The following PZP variants were observed in gnomAD, a reference collection of about 807,000 sequenced individuals.
PZP encodes PZP alpha-2-macroglobulin like.
In PZP, 150 loss-of-function variants were observed where a neutral mutation model predicts 179.8. The observed-to-expected ratio is 0.83, with a 90% CI of 0.73 to 0.96. The LOEUF (loss-of-function observed/expected upper bound fraction) is 0.96, where lower values mean the gene tolerates loss of function less well. Ranked by LOEUF, PZP falls within the 40% of genes least tolerant of loss-of-function variation. PZP has a pLI of 0.00. For synonymous variants in PZP, 624 were observed against 652.3 expected (o/e 0.96, Z 0.66); for missense variants, 1,689 against 1,764.0 (o/e 0.96, Z 0.76).
intron 21 of PZP, among the ~76,000 whole-genome samples, chr12:9,163,277 C>A (rs1941343312): frequency 1.6e-5 from 2 of 128,712 alleles, no homozygotes; most frequent in Admixed American, 1.7e-4. Context: ...ATGGTGAAAC[C>A]CCGTCTCTAC....
intron 20 of PZP, 141 bp from the exon 21 acceptor site, chr12:9,163,930 G>A: frequency 4.8e-6 from 6 of 1,260,030 alleles, no homozygotes; most frequent in Non-Finnish European, 6.5e-6. Flanking sequence ...TGTATACTAA[G>A]TAGCCAATGT....
chr12:9,160,625 C>T, intron 23 of PZP, 135 bp from the exon 24 acceptor site: 1 of 814,460 alleles, frequency 1.2e-6, no homozygotes, highest in Non-Finnish European at 1.9e-6. Flanking sequence ...GTGTGACTTC[C>T]AGAATCCTAA....
intron 16 of PZP, 56 bp from the exon 17 acceptor site, chr12:9,169,030 A>G (rs1366987678): frequency 2.3e-6 from 3 of 1,303,206 alleles, no homozygotes; most frequent in Non-Finnish European, 3.3e-6. Flanking sequence ...TATATAAAAC[A>G]TATTATCCTT....
rs1463920938 is a variant in PZP at position 9,186,367 on chromosome 12, TAAC to T, written c.1547-4253_1547-4251del. On this transcript the variant is annotated intron_variant, in intron 13 of 35. Transcript: ENST00000261336. The stretch of plus-strand genomic sequence containing the variant: ...TTACACAAACAAGTTGACAAACAGC[TAAC>T]AACATGATGGCAGATTCAAATTCAC... Among the ~76,000 whole-genome samples, 5 of 152,162 alleles carry T rather than the reference TAAC, an allele frequency of 3.3e-5. 1 individual carries two copies. In the East Asian group the frequency reaches 9.6e-4, roughly 29 times the overall value.
the PZP span, among the ~76,000 whole-genome samples, chr12:9,140,271 G>A: frequency 1.2e-4 from 19 of 152,268 alleles, no homozygotes; most frequent in Non-Finnish European, 1.8e-4. Context: ...AGTAGGGGGG[G>A]GCCCAGGAAT....
chr12:9,170,534 A>C lies in PZP; in HGVS notation c.1840-943T>G, dbSNP rs1288427103. 6.6e-6 allele frequency among the ~76,000 whole-genome samples: 1 copy of C among 152,062 alleles called. No individual in the cohort carries two copies. The highest frequency in any genetic ancestry group is 1.5e-5 in the Non-Finnish European group (1 of 68,004). The stretch of plus-strand genomic sequence containing the variant: ...CACAGCACCTCACAGGTTAAGACTC[A>C]CTGTCTTGGAATCTCAGCCAGCCGA... On this transcript the variant is annotated intron_variant, in intron 15 of 35. Transcript: ENST00000261336. This position sits in a 1 kb window ranked among gnomAD's most constrained non-coding sequence, Gnocchi z 4.6.
chr12:9,200,303 T>G (rs1944079819), intron 7 of PZP, 61 bp downstream of exon 7: 1 of 1,180,084 alleles, frequency 8.5e-7, no homozygotes, highest in Non-Finnish European at 1.2e-6. Context: ...ATTTTGTACC[T>G]ACATAATCCC....
chr12:9,157,404 G>C, intron 27 of PZP, 49 bp from the exon 28 acceptor site: 1 of 1,536,254 alleles, frequency 6.5e-7, no homozygotes, highest in Non-Finnish European at 8.9e-7. Flanking sequence ...ATAGAGGGCA[G>C]AGCAAGCTGA....
At chr12:9,198,495 C>T (rs1298233525) in intron 7 of PZP, among the ~76,000 whole-genome samples, 1 of 152,038 alleles carries the variant, frequency 6.6e-6, no homozygotes, top group Non-Finnish European at 1.5e-5. Context: ...CTAAGCAAAT[C>T]TAACACAAAA....
downstream of PZP, chr12:9,148,703 G>T (rs1448445811): frequency 5.3e-6 from 2 of 375,766 alleles, no homozygotes; most frequent in Non-Finnish European, 4.7e-6. Flanking sequence ...TTCTTTACCT[G>T]CAACCTCCAC....
intron 28 of PZP, among the ~76,000 whole-genome samples, chr12:9,155,713 A>AT (rs997533696): frequency 1.3e-5 from 2 of 152,090 alleles, no homozygotes; most frequent in Non-Finnish European, 2.9e-5. Context: ...CCTCTATGAC[A>AT]TTTTTTCCTT....
chr12:9,158,545 G>A lies in PZP; in HGVS notation c.3169C>T (p.Gln1057Ter), dbSNP rs1940929081. ...LTAFVLKTFA[Q>*]ARSYIFIDEA... ...TCAATGAAGATGTAGGATCGAGCCTGGGCGAAAGTCTTCAGTACAAAAGCT... is the reference window on the plus strand; with the variant it reads ...TCAATGAAGATGTAGGATCGAGCCTAGGCGAAAGTCTTCAGTACAAAAGCT... Residue 1057 changes from glutamine (Q) to a stop codon, truncating the protein, a stop_gained, in exon 26 of 36, where the codon CAG (glutamine) becomes TAG (stop). Coordinates refer to ENST00000261336, the MANE Select transcript of PZP (RefSeq NM_002864.3). LOFTEE classifies it high-confidence loss of function. 2 of 1,614,108 alleles carry A rather than the reference G, an allele frequency of 1.2e-6. No homozygotes were observed. The highest frequency in any genetic ancestry group is 1.7e-6 in the Non-Finnish European group (2 of 1,180,016).
intron 7 of PZP, 70 bp downstream of exon 7, chr12:9,200,294 T>C (rs1340555896): frequency 9.5e-7 from 1 of 1,055,068 alleles, no homozygotes; most frequent in African/African-American, 1.6e-5. Flanking sequence ...AAATTTATAA[T>C]TTTGTACCTA....
intron 8 of PZP, 110 bp from the exon 9 acceptor site, chr12:9,196,795 G>A: frequency 6.4e-6 from 6 of 932,668 alleles, no homozygotes; most frequent in Non-Finnish European, 1.0e-5. Context: ...CATTAAGTAA[G>A]TTAATTGACC....
chr12:9,160,478 C>T lies in PZP; in HGVS notation c.2885G>A (p.Gly962Asp), dbSNP rs1565628974. 6.2e-7 allele frequency: 1 copy of T among 1,612,854 alleles called. No homozygotes were observed. The highest frequency in any genetic ancestry group is 2.2e-5 in the East Asian group (1 of 44,874). ...ATTTTGTATATTTTGCATAGCAGAACCTAATATGTCACCTGGGGAATGTGA... is the reference window on the plus strand; with the variant it reads ...ATTTTGTATATTTTGCATAGCAGAATCTAATATGTCACCTGGGGAATGTGA... ...ASFSVLGDILGSAMQNIQNLL... is the reference protein window; with the variant it reads ...ASFSVLGDILDSAMQNIQNLL... Residue 962 changes from glycine to aspartate, a missense_variant, in exon 24 of 36, where the codon GGT (glycine) becomes GAT (aspartate). Physicochemically the swap from Gly to Asp is moderately conservative, Grantham distance 94 (BLOSUM62 -1). Coordinates refer to ENST00000261336, the MANE Select transcript of PZP (RefSeq NM_002864.3).
At chr12:9,206,803 G>A (rs2121263478) in intron 1 of PZP, among the ~76,000 whole-genome samples, 1 of 152,216 alleles carries the variant, frequency 6.6e-6, no homozygotes, top group East Asian at 1.9e-4. Context: ...AACGTAAAAG[G>A]ATGGTTTCAA....
At chr12:9,160,226 A>G (rs955145532) in intron 24 of PZP, 88 bp downstream of exon 24, 16 of 1,280,920 alleles carry the variant, frequency 1.2e-5, no homozygotes, top group East Asian at 2.3e-5. Flanking sequence ...AATTATCATC[A>G]TGGGTTAATA....
rs373625691 is a variant in PZP at position 9,158,615 on chromosome 12, T to C, written c.3138-39A>G. 64 of 1,604,046 alleles carry C rather than the reference T, an allele frequency of 4.0e-5. No homozygotes were observed. In the African/African-American group the frequency reaches 5.9e-4, roughly 15 times the overall value. On this transcript the variant is annotated intron_variant, in intron 25 of 35. Coordinates refer to ENST00000261336, the MANE Select transcript of PZP (RefSeq NM_002864.3). ...AAATGCAGTGCTGAGGCTCTTTTCA[T>C]TGAGCACTTTACTGCTCTGTTTTGT...
At chr12:9,176,556 T>C (rs1478798854) in intron 15 of PZP, among the ~76,000 whole-genome samples, 1 of 152,240 alleles carries the variant, frequency 6.6e-6, no homozygotes, top group Non-Finnish European at 1.5e-5. Context: ...TGCCATTATA[T>C]TGGATAGACC....
Sources: gnomAD v4.1 joint callset for allele counts (sites outside exome capture counted in the v4.1 genomes callset) on GRCh38, gnomAD v4.1.1 for gene constraint, Gnocchi (gnomAD v3.1) non-coding constraint, MANE v1.5 for transcripts, NCBI Gene and HGNC (gene_info 2026-07-23, HGNC 2026-07-21) for gene names.